PLCB4: variants seen among roughly 807,000 people sequenced by gnomAD.
PLCB4 encodes the protein 1-phosphatidylinositol 4,5-bisphosphate phosphodiesterase beta-4.
PLCB4 carries 77 observed loss-of-function variants against 178.8 expected under a neutral mutation model. The observed-to-expected ratio is 0.43, with a 90% confidence interval of 0.36 to 0.52. The LOEUF (loss-of-function observed/expected upper bound fraction) is 0.52. Among genes scored for constraint, PLCB4 ranks in the 20% least tolerant of loss-of-function variants. PLCB4 has a pLI of 0.00. For missense variants in PLCB4, 1,024 were observed against 1,453.4 expected, an observed-to-expected ratio of 0.70 and a Z score of 4.80; for synonymous variants, 496 against 490.8, an observed-to-expected ratio of 1.01 and a Z score of -0.14.
chr20:9,305,102 C>G (rs753559107), intron 3 of PLCB4, among the ~76,000 whole-genome samples: 5 of 145,602 alleles, frequency 3.4e-5, no homozygotes, highest in Non-Finnish European at 6.0e-5. Context: ...TGTAAACAAC[C>G]ATAATTTTAC....
At chr20:9,142,380 G>A (rs1418524050) in intron 2 of PLCB4, among the ~76,000 whole-genome samples, 1 of 152,144 alleles carries the variant, frequency 6.6e-6, no homozygotes, top group Non-Finnish European at 1.5e-5. Context: ...GTCACGCCAA[G>A]GTTGTGTGGA....
chr20:9,107,560 G>A (rs2091412684), intron 2 of PLCB4, among the ~76,000 whole-genome samples: 1 of 152,114 alleles, frequency 6.6e-6, no homozygotes. Flanking sequence ...AAATGCCAAT[G>A]CCATAAGGCA....
At chr20:9,110,048 AATTATT>A (rs904859854) in intron 2 of PLCB4, among the ~76,000 whole-genome samples, 1 of 152,120 alleles carries the variant, frequency 6.6e-6, no homozygotes, top group Non-Finnish European at 1.5e-5. Context: ...AGTTTTTTAA[AATTATT>A]ATTATTAAGC....
At chr20:9,205,291 G>T (rs781069514) in intron 2 of PLCB4, among the ~76,000 whole-genome samples, 8 of 152,146 alleles carry the variant, frequency 5.3e-5, no homozygotes, top group Non-Finnish European at 1.0e-4. Context: ...TAAGCATTCG[G>T]AGCACATTTA....
At chr20:9,389,146 A>G (rs1010958268) in intron 15 of PLCB4, among the ~76,000 whole-genome samples, 2 of 152,196 alleles carry the variant, frequency 1.3e-5, no homozygotes, top group African/African-American at 2.4e-5. Flanking sequence ...GGGGCCAACC[A>G]TCTCTTAAAG....
chr20:9,372,990 G>A (rs773016234), intron 11 of PLCB4, 57 bp from the exon 12 acceptor site: 27 of 752,886 alleles, frequency 3.6e-5, no homozygotes, highest in Non-Finnish European at 4.2e-5. Context: ...CATGTAAATC[G>A]TACATACTGT....
At chr20:9,231,261 G>A (rs1052871184) in intron 3 of PLCB4, among the ~76,000 whole-genome samples, 2 of 152,120 alleles carry the variant, frequency 1.3e-5, no homozygotes, top group African/African-American at 4.8e-5. Flanking sequence ...TTTGAATGAA[G>A]CCTCCATGGA....
chr20:9,309,908 A>T (rs2094810987), intron 4 of PLCB4, among the ~76,000 whole-genome samples: 1 of 152,150 alleles, frequency 6.6e-6, no homozygotes, highest in Non-Finnish European at 1.5e-5. Context: ...TCCTCTACAA[A>T]CTAGGCAAAG....
chr20:9,374,193 G>T (rs1055453283), intron 12 of PLCB4, among the ~76,000 whole-genome samples: 6 of 152,186 alleles, frequency 3.9e-5, no homozygotes, highest in African/African-American at 1.4e-4. Flanking sequence ...AAGTGTAAAT[G>T]CACTGATGCA....
At chr20:9,096,933 T>A (rs1442827157) in intron 2 of PLCB4, among the ~76,000 whole-genome samples, 2 of 152,024 alleles carry the variant, frequency 1.3e-5, no homozygotes, top group African/African-American at 4.8e-5. Context: ...CACTTTGGCT[T>A]TCTTTTTTTT....
At chr20:9,451,648 T>G (rs2042778717) in intron 32 of PLCB4, among the ~76,000 whole-genome samples, 1 of 152,252 alleles carries the variant, frequency 6.6e-6, no homozygotes, top group Non-Finnish European at 1.5e-5. Flanking sequence ...GAAACATTTA[T>G]TGATTTAATT....
chr20:9,096,257 G>C (rs546962041), intron 1 of PLCB4, 30 bp from the exon 2 acceptor site: 3 of 152,104 alleles, frequency 2.0e-5, no homozygotes, highest in Non-Finnish European at 4.4e-5. Context: ...GTTACTAGTA[G>C]GTAGTTTTTC....
chr20:9,223,549 T>A (rs2093825842), intron 3 of PLCB4, among the ~76,000 whole-genome samples: 1 of 152,156 alleles, frequency 6.6e-6, no homozygotes. Flanking sequence ...TGGCTCAGCG[T>A]TTCTTCCTCC....
Position 9,171,130 on chromosome 20 carries a change from T to G in PLCB4, c.-78-46260T>G, listed in dbSNP as rs375863403. Among the ~76,000 whole-genome samples the G allele has an allele frequency of 1.6e-3, 251 of 152,224 alleles. 2 individuals carry two copies. The highest frequency in any genetic ancestry group is 0.01 in the Middle Eastern group (3 of 294). On this transcript the variant is annotated intron_variant, in intron 2 of 39. Coordinates refer to ENST00000378473, the MANE Select transcript of PLCB4 (RefSeq NM_001377142.1). ...TTATTCACACCTTGACATAGTTTTTTTGTGTGTGTGTGAATATGATTTATA... is the reference window on the plus strand; with the variant it reads ...TTATTCACACCTTGACATAGTTTTTGTGTGTGTGTGTGAATATGATTTATA...
intron 30 of PLCB4, among the ~76,000 whole-genome samples, chr20:9,438,364 TTAAAA>T (rs2041907031): frequency 1.4e-5 from 2 of 145,644 alleles, no homozygotes; most frequent in African/African-American, 5.1e-5. Flanking sequence ...AGACTATATC[TTAAAA>T]AAAAAAAAAA....
rs752133699 is a variant in PLCB4 at position 9,384,270 on chromosome 20, G to A, written c.923G>A (p.Arg308His). Reference protein sequence around the residue: ...SDENAPVFLDRLELYQEMDHP... With the variant: ...SDENAPVFLDHLELYQEMDHP... ...GAAAACGCCCCAGTCTTCCTAGATC[G>A]TTTAGAACTTTACCAAGAAATGGAC... is the stretch of plus-strand genomic sequence containing the variant. Residue 308 changes from arginine to histidine, a missense_variant, in exon 14 of 40, where the codon CGT (arginine) becomes CAT (histidine). Arg to His is a conservative substitution (Grantham distance 29, BLOSUM62 0). Around this residue, in one of 7 missense-constraint regions of PLCB4, gnomAD observed 263 missense variants for 417.4 expected, o/e 0.63. Transcript: ENST00000378473. 1.2e-5 allele frequency: 20 copies of A among 1,613,982 alleles called. No individual in the cohort carries two copies. The highest frequency in any genetic ancestry group is 1.7e-5 in the Admixed American group (1 of 60,002).
intron 9 of PLCB4, chr20:9,370,823 T>C: frequency 6.4e-6 from 1 of 155,494 alleles, no homozygotes; most frequent in South Asian, 2.0e-4. Flanking sequence ...GCGGGAGAAT[T>C]GCTTGAACCT....
intron 10 of PLCB4, among the ~76,000 whole-genome samples, chr20:9,371,797 T>A (rs1291681115): frequency 6.6e-6 from 1 of 152,238 alleles, no homozygotes; most frequent in Non-Finnish European, 1.5e-5. Context: ...ATTAATTTAT[T>A]GACTTGAAGA....
rs755200822 is a variant in PLCB4, at chr20:9,126,507, A to T, written c.-79+30165A>T. ...AAGTAGATCGTATACTTCATATTTA[A>T]AGAACTCTTTAACATGTTACCATGA... is the stretch of plus-strand genomic sequence containing the variant. On this transcript the variant is annotated intron_variant, in intron 2 of 39. Coordinates refer to ENST00000378473, the MANE Select transcript of PLCB4 (RefSeq NM_001377142.1). Among the ~76,000 whole-genome samples, 98 of 152,180 alleles carry T rather than the reference A, an allele frequency of 6.4e-4. 2 individuals carry two copies. Among genetic ancestry groups the T allele is most frequent in the Non-Finnish European group, 2.2e-4 (15 of 68,034 alleles).
Sources: allele counts gnomAD v4.1 joint callset (sites outside exome capture counted in the v4.1 genomes callset), GRCh38; gene constraint gnomAD v4.1.1; regional missense constraint gnomAD v4.1.1; transcripts MANE v1.5; gene names NCBI Gene and HGNC (gene_info 2026-07-23, HGNC 2026-07-21).